FAM180A: variants seen among roughly 807,000 people sequenced by gnomAD.
The protein encoded by FAM180A is family with sequence similarity 180 member A, also known as protein FAM180A.
In FAM180A, 14 loss-of-function variants were observed where a neutral mutation model predicts 15.3. The ratio of observed to expected loss-of-function variants is 0.92; its 90% CI spans 0.61 to 1.43. The LOEUF is 1.43. Among genes scored for constraint, FAM180A ranks in the 40% most tolerant of loss-of-function variants. The probability of loss-of-function intolerance (pLI) is 0.00; values close to 1 mark genes in which losing one functional copy is unlikely to be tolerated. For synonymous variants in FAM180A, 90 were observed against 96.8 expected, an observed-to-expected ratio of 0.93 and a Z score of 0.41; for missense variants, 200 against 220.8, an observed-to-expected ratio of 0.91 and a Z score of 0.60.
chr7:135,737,551 C>T (rs1796889468), intron 1 of FAM180A, among the ~76,000 whole-genome samples: 1 of 140,808 alleles, frequency 7.1e-6, no homozygotes, highest in Non-Finnish European at 1.5e-5. Context: ...TGCGCCATTG[C>T]ACTCCAGCCT....
chr7:135,732,689 T>TCACACACA (rs143588470), intron 3 of FAM180A, among the ~76,000 whole-genome samples: 304 of 141,944 alleles, frequency 2.1e-3, no homozygotes, highest in South Asian at 3.4e-3. Context: ...CGAGACTCCA[T>TCACACACA]CACACACACA....
At chr7:135,732,760 T>A (rs577848102) in intron 3 of FAM180A, among the ~76,000 whole-genome samples, 1 of 151,574 alleles carries the variant, frequency 6.6e-6, no homozygotes, top group South Asian at 2.1e-4. Flanking sequence ...TGAATGATGA[T>A]CTTACACTAA....
At position 135,740,325 on chromosome 7, in the gene FAM180A, A is replaced by G. The variant is rs374353067; in HGVS notation, c.77-3126T>C. Among the ~76,000 whole-genome samples the G allele has an allele frequency of 2.6e-5, 4 of 152,326 alleles. No individual in the cohort carries two copies. In the East Asian group the frequency reaches 7.7e-4, roughly 29 times the overall value. On this transcript the variant is annotated intron_variant, in intron 1 of 3. Transcript: ENST00000338588. The stretch of plus-strand genomic sequence containing the variant: ...AAGCTTCCTAAGTGCTTCTAATGAC[A>G]GCCGAGGTTGAGAACCACTGTCCTA...
chr7:135,737,244 AGAC>A, intron 1 of FAM180A, 45 bp from the exon 2 acceptor site: 1 of 1,423,330 alleles, frequency 7.0e-7, no homozygotes, highest in Non-Finnish European at 9.5e-7. Context: ...GTGTGCGCCC[AGAC>A]CTTCTCCCTC....
At chr7:135,744,794 CAATTT>C (rs1464482321) in intron 1 of FAM180A, among the ~76,000 whole-genome samples, 1 of 152,196 alleles carries the variant, frequency 6.6e-6, no homozygotes, top group Admixed American at 6.5e-5. Context: ...CCTCACTCTC[CAATTT>C]TCTAACCTGT....
intron 1 of FAM180A, among the ~76,000 whole-genome samples, chr7:135,741,856 G>T (rs562078593): frequency 6.6e-6 from 1 of 152,050 alleles, no homozygotes; most frequent in Non-Finnish European, 1.5e-5. Flanking sequence ...GCAAATGGGA[G>T]AAAGCATTTC....
intron 1 of FAM180A, among the ~76,000 whole-genome samples, chr7:135,745,354 G>T (rs888133265): frequency 6.6e-6 from 1 of 152,162 alleles, no homozygotes; most frequent in African/African-American, 2.4e-5. Flanking sequence ...TCCTTAATAG[G>T]TGCATATTTC....
At chr7:135,747,101 AAAAT>A (rs978633027) in intron 1 of FAM180A, among the ~76,000 whole-genome samples, 7 of 152,208 alleles carry the variant, frequency 4.6e-5, no homozygotes, top group Admixed American at 2.6e-4. Context: ...CTCCGTCTCA[AAAAT>A]AAATAAATAA....
At position 135,730,159 on chromosome 7, in the gene FAM180A, G is replaced by A. The variant is rs1435482484; in HGVS notation, c.*452C>T. 3 of 985,314 alleles carry A rather than the reference G, an allele frequency of 3.0e-6. No homozygotes were observed. The highest frequency in any genetic ancestry group is 2.4e-6 in the Non-Finnish European group (2 of 829,930). 61.0% of individuals were successfully genotyped at this position (985,314 alleles called of 1,614,324 possible). On this transcript the variant is annotated 3_prime_UTR_variant, in exon 4 of 4. Coordinates refer to ENST00000338588, the MANE Select transcript of FAM180A (RefSeq NM_205855.4). ...CAAGGTGAGGTGACAGAGCAATGAA[G>A]TCTGCAGCAGTTAAATGTCTGTTGA...
chr7:135,743,508 C>T (rs754211799), intron 1 of FAM180A, among the ~76,000 whole-genome samples: 8 of 152,124 alleles, frequency 5.3e-5, no homozygotes, highest in Non-Finnish European at 8.8e-5. Flanking sequence ...TGAGTCACTG[C>T]GCCCAGCCCC....
intron 1 of FAM180A, among the ~76,000 whole-genome samples, chr7:135,745,408 T>A (rs538102175): frequency 3.9e-5 from 6 of 152,346 alleles, no homozygotes; most frequent in African/African-American, 1.2e-4. Context: ...CAAGTCTGGC[T>A]AGTCCTCCCC....
At chr7:135,737,872 C>A (rs1013497298) in intron 1 of FAM180A, among the ~76,000 whole-genome samples, 1 of 152,150 alleles carries the variant, frequency 6.6e-6, no homozygotes, top group Admixed American at 6.5e-5. Flanking sequence ...TAAACCAAAG[C>A]AAAATAAAGC....
intron 1 of FAM180A, among the ~76,000 whole-genome samples, chr7:135,737,854 A>G (rs546630070): frequency 1.8e-4 from 27 of 152,360 alleles, no homozygotes; most frequent in Middle Eastern, 3.4e-3. Context: ...GCCTTAGGAA[A>G]TTTATATTAA....
intron 2 of FAM180A, among the ~76,000 whole-genome samples, chr7:135,736,637 C>T (rs1252156794): frequency 6.6e-6 from 1 of 152,200 alleles, no homozygotes; most frequent in Non-Finnish European, 1.5e-5. Context: ...AGACAGCCTG[C>T]AGGGTGGTCT....
intron 3 of FAM180A, among the ~76,000 whole-genome samples, chr7:135,733,181 A>C (rs1372637331): frequency 6.6e-6 from 1 of 152,160 alleles, no homozygotes; most frequent in Non-Finnish European, 1.5e-5. Flanking sequence ...TTGGCAAATA[A>C]TATATTTATT....
rs1383804063 is a variant in FAM180A, at chr7:135,730,215, G to A, written c.*396C>T. 1 of 985,310 alleles carries A rather than the reference G, an allele frequency of 1.0e-6. No individual in the cohort carries two copies. The highest frequency in any genetic ancestry group is 1.1e-4 in the East Asian group (1 of 8,818). The allele number at this position is 985,310 out of a possible 1,614,324, so 61.0% of individuals were successfully genotyped here. A position where few individuals can be genotyped will look rare whatever the true frequency, so the allele number is the denominator to read the frequency against. On this transcript the variant is annotated 3_prime_UTR_variant, in exon 4 of 4. Transcript: ENST00000338588. ...CTTGAGTGACATTGGAGATAGCTGT[G>A]AGGATGCCAACGATGGAGGAAACTT...
Position 135,739,447 on chromosome 7 carries a change from A to G in FAM180A, c.77-2248T>C, listed in dbSNP as rs557805277. Among the ~76,000 whole-genome samples, 6 of 151,360 alleles carry G rather than the reference A, an allele frequency of 4.0e-5. No homozygotes were observed. The East Asian group carries it at 1.2e-3, about 29-fold the overall frequency. On this transcript the variant is annotated intron_variant, in intron 1 of 3. Coordinates refer to ENST00000338588, the MANE Select transcript of FAM180A (RefSeq NM_205855.4). The stretch of plus-strand genomic sequence containing the variant: ...AACATGGTGAAACCCCATCTCTACT[A>G]AAAAAATACAAAAAATTAGCCGGGT...
chr7:135,744,747 C>T (rs932152005), intron 1 of FAM180A, among the ~76,000 whole-genome samples: 1 of 152,122 alleles, frequency 6.6e-6, no homozygotes, highest in Non-Finnish European at 1.5e-5. Context: ...TCAACTCTGC[C>T]CTTGCAGCTG....
rs80214245 is a variant in FAM180A at position 135,744,977 on chromosome 7, G to A, written c.76+3528C>T. Among the ~76,000 whole-genome samples the A allele has an allele frequency of 0.016, 2,507 of 152,060 alleles. 108 individuals are homozygous for A. The East Asian group carries it at 0.19, about 11-fold the overall frequency. On this transcript the variant is annotated intron_variant, in intron 1 of 3. Coordinates refer to ENST00000338588, the MANE Select transcript of FAM180A (RefSeq NM_205855.4). ...TGGCGCAATCATAGCTCTCTGCATC[G>A]TTGACCTCCTGGGCCTAAGTGATCC...
Sources: allele counts gnomAD v4.1 joint callset (sites outside exome capture counted in the v4.1 genomes callset), GRCh38; gene constraint gnomAD v4.1.1; transcripts MANE v1.5; gene names NCBI Gene and HGNC (gene_info 2026-07-23, HGNC 2026-07-21).